The following IL1RAPL2 variants were observed in gnomAD, a reference collection of about 807,000 sequenced individuals.
IL1RAPL2 encodes X-linked interleukin-1 receptor accessory protein-like 2.
In IL1RAPL2, 3 loss-of-function variants were observed where a neutral mutation model predicts 44.1. The observed-to-expected ratio is 0.07, with a 90% CI of 0.03 to 0.18. The LOEUF is 0.18. Ranked by LOEUF, IL1RAPL2 falls within the 10% of genes least tolerant of loss-of-function variation. The pLI, the probability that IL1RAPL2 is intolerant of heterozygous loss-of-function variation, is 1.00. For missense variants in IL1RAPL2, 391 were observed against 496.4 expected (o/e 0.79, Z 2.02); for synonymous variants, 181 against 178.8 (o/e 1.01, Z -0.10).
At chrX:105,167,698 G>A (rs1171522241) in intron 2 of IL1RAPL2, among the ~76,000 whole-genome samples, 1 of 95,487 alleles carries the variant, frequency 1.0e-5, no homozygotes, top group African/African-American at 4.1e-5. Flanking sequence ...TTGCAAAACT[G>A]TAAAGCTGGG....
intron 2 of IL1RAPL2, among the ~76,000 whole-genome samples, chrX:105,176,938 C>T (rs938077541): frequency 9.0e-6 from 1 of 111,363 alleles, no homozygotes; most frequent in African/African-American, 3.3e-5. Context: ...GTAAATTTCC[C>T]TTACTCCCAA....
chrX:104,818,921 C>T (rs1049274429), intron 2 of IL1RAPL2, among the ~76,000 whole-genome samples: 2 of 111,973 alleles, frequency 1.8e-5, no homozygotes, highest in Admixed American at 9.4e-5. Context: ...GTACATAGCA[C>T]AATGCCTGGC....
intron 5 of IL1RAPL2, among the ~76,000 whole-genome samples, chrX:105,383,398 T>C (rs904284728): frequency 4.5e-5 from 5 of 111,901 alleles, no homozygotes; most frequent in African/African-American, 6.5e-5. Context: ...ACATAATGTC[T>C]TCCAGTTCTA....
intron 6 of IL1RAPL2, among the ~76,000 whole-genome samples, chrX:105,552,786 T>C (rs780701199): frequency 8.9e-6 from 1 of 112,202 alleles, no homozygotes; most frequent in Admixed American, 9.5e-5. Context: ...CTTTAACAGA[T>C]ACGTGTCTAT....
rs5962501 is a variant in IL1RAPL2, at chrX:105,281,265, G to C, written c.697+13724G>C. 4.8e-3 allele frequency among the ~76,000 whole-genome samples: 527 copies of C among 110,789 alleles called. 5 individuals are homozygous for C. The highest frequency in any genetic ancestry group is 0.016 in the South Asian group (40 of 2,555). Reference sequence around the variant, plus strand: ...AGGGAGGGGAACATCACACACCGGGGACTTTTGGGGAGTAGGGGTCTAGGG... The same window carrying C: ...AGGGAGGGGAACATCACACACCGGGCACTTTTGGGGAGTAGGGGTCTAGGG... On this transcript the variant is annotated intron_variant, in intron 5 of 10. Transcript: ENST00000372582.
intron 5 of IL1RAPL2, among the ~76,000 whole-genome samples, chrX:105,410,079 A>G (rs140933979): frequency 0.026 from 2,827 of 110,548 alleles, 114 homozygotes; most frequent in African/African-American, 0.089. Flanking sequence ...GACTTGAGGG[A>G]AAATCAAGTG....
chrX:105,349,525 C>G (rs1223221211), intron 5 of IL1RAPL2, among the ~76,000 whole-genome samples: 1 of 111,941 alleles, frequency 8.9e-6, no homozygotes, highest in Non-Finnish European at 1.9e-5. Flanking sequence ...TGTTAGAGAA[C>G]AGCAGCTCTT....
chrX:105,761,804 A>G (rs1188955591), intron 10 of IL1RAPL2, among the ~76,000 whole-genome samples: 2 of 112,248 alleles, frequency 1.8e-5, no homozygotes, highest in Admixed American at 9.5e-5. Context: ...TTTACAGGCT[A>G]AGTATCTGTC....
chrX:105,450,015 G>C (rs901436484), intron 5 of IL1RAPL2, among the ~76,000 whole-genome samples: 3 of 111,879 alleles, frequency 2.7e-5, no homozygotes, highest in African/African-American at 9.7e-5. Flanking sequence ...GTCCAGAGAT[G>C]CTATTTGGGA....
chrX:105,286,583 A>G (rs887520867), intron 5 of IL1RAPL2, among the ~76,000 whole-genome samples: 1 of 105,768 alleles, frequency 9.5e-6, no homozygotes, highest in Middle Eastern at 4.8e-3. Context: ...AAGACAGAGT[A>G]AGACAACGAT....
At chrX:105,076,506 T>A (rs374816022) in intron 2 of IL1RAPL2, among the ~76,000 whole-genome samples, 2 of 111,451 alleles carry the variant, frequency 1.8e-5, no homozygotes, top group Admixed American at 1.9e-4. Flanking sequence ...GTGCTGAAAA[T>A]AATGTATATT....
At chrX:105,147,691 C>A (rs2033191185) in intron 2 of IL1RAPL2, among the ~76,000 whole-genome samples, 1 of 111,537 alleles carries the variant, frequency 9.0e-6, no homozygotes, top group Admixed American at 9.6e-5. Context: ...TGATAATATT[C>A]CATTGTATGT....
intron 2 of IL1RAPL2, among the ~76,000 whole-genome samples, chrX:105,023,642 G>C (rs2031318269): frequency 9.0e-6 from 1 of 110,807 alleles, no homozygotes; most frequent in Non-Finnish European, 1.9e-5. Context: ...ATTAATTTTT[G>C]TTATATTTGG....
rs752988765 is a variant in IL1RAPL2 at position 104,989,406 on chromosome X, C to T, written c.83-206069C>T. Among the ~76,000 whole-genome samples the T allele has an allele frequency of 4.5e-5, 5 of 111,657 alleles. No individual in the cohort carries two copies. The South Asian group carries it at 1.5e-3, about 33-fold the overall frequency. ...GTTTGTACCTGCTGCTAGAAATAAA[C>T]GGGATGTGAAGAAGAGTAAAGAATC... is the stretch of plus-strand genomic sequence containing the variant. On this transcript the variant is annotated intron_variant, in intron 2 of 10. Transcript: ENST00000372582.
intron 2 of IL1RAPL2, among the ~76,000 whole-genome samples, chrX:105,002,160 T>A (rs977158070): frequency 1.3e-4 from 14 of 110,584 alleles, no homozygotes; most frequent in Admixed American, 8.7e-4. Flanking sequence ...TATCCACCAA[T>A]AAAAATAATA....
At chrX:105,067,567 A>G (rs1490444493) in intron 2 of IL1RAPL2, among the ~76,000 whole-genome samples, 4 of 111,713 alleles carry the variant, frequency 3.6e-5, no homozygotes, top group Non-Finnish European at 1.9e-5. Flanking sequence ...GGTAGGTATT[A>G]TCATCATCCC....
At chrX:105,336,974 CTT>C (rs1203962006) in intron 5 of IL1RAPL2, among the ~76,000 whole-genome samples, 1 of 111,564 alleles carries the variant, frequency 9.0e-6, no homozygotes, top group Non-Finnish European at 1.9e-5. Flanking sequence ...TGTGAGCTCT[CTT>C]TTTTCCATTT....
chrX:104,870,429 G>T (rs1408759366), intron 2 of IL1RAPL2, among the ~76,000 whole-genome samples: 1 of 112,562 alleles, frequency 8.9e-6, no homozygotes, highest in Non-Finnish European at 1.9e-5. Flanking sequence ...TATGTGCCAG[G>T]CACTATACTA....
At chrX:105,495,654 A>C (rs1485285126) in intron 6 of IL1RAPL2, among the ~76,000 whole-genome samples, 8 of 111,692 alleles carry the variant, frequency 7.2e-5, no homozygotes, top group Admixed American at 6.7e-4. Context: ...ACTTGGTGAG[A>C]TGATAATCAT....
Sources: gnomAD v4.1 joint callset for allele counts (sites outside exome capture counted in the v4.1 genomes callset) on GRCh38, gnomAD v4.1.1 for gene constraint, MANE v1.5 for transcripts, NCBI Gene and HGNC (gene_info 2026-07-23, HGNC 2026-07-21) for gene names.